Variants in ANKDD1B observed in about 807,000 individuals in gnomAD.
The protein encoded by ANKDD1B is ankyrin repeat and death domain-containing protein 1B.
In ANKDD1B, 57 loss-of-function variants were observed where a neutral mutation model predicts 59.7. The observed-to-expected ratio is 0.95, with a 90% CI of 0.77 to 1.19. The LOEUF is 1.19. Among genes scored for constraint, ANKDD1B ranks in the 50% most tolerant of loss-of-function variants. The pLI is 0.00. For synonymous variants in ANKDD1B, 216 were observed against 239.5 expected (o/e 0.90, Z 0.91); for missense variants, 602 against 641.9 (o/e 0.94, Z 0.67).
chr5:75,616,553 G>C (rs1001428064), intron 1 of ANKDD1B, among the ~76,000 whole-genome samples: 83 of 152,286 alleles, frequency 5.5e-4, no homozygotes, highest in African/African-American at 1.9e-3. Context: ...CTTCAGGGTG[G>C]TCCTCATGAA....
chr5:75,625,061 A>G (rs1468906905), intron 3 of ANKDD1B, among the ~76,000 whole-genome samples: 1 of 152,142 alleles, frequency 6.6e-6, no homozygotes, highest in Non-Finnish European at 1.5e-5. Flanking sequence ...ATCCTTATAT[A>G]TATAGAATTA....
chr5:75,649,750 A>T (rs1454420083), intron 7 of ANKDD1B, among the ~76,000 whole-genome samples: 1 of 152,198 alleles, frequency 6.6e-6, no homozygotes, highest in African/African-American at 2.4e-5. Flanking sequence ...ATGCTATTTT[A>T]TGTCTTGCTG....
chr5:75,611,602 C>T lies in ANKDD1B; in HGVS notation c.-33C>T. On this transcript the variant is annotated 5_prime_UTR_variant, in exon 1 of 14. Transcript: ENST00000601380. The stretch of plus-strand genomic sequence containing the variant: ...TCTGGATCTGGGTCCGAGTCTGGGT[C>T]TGGCCCTGCGCTCAGGGCCCGCGGA... 1.6e-6 allele frequency: 2 copies of T among 1,226,560 alleles called. No individual in the cohort carries two copies. Among genetic ancestry groups the T allele is most frequent in the South Asian group, 4.2e-5 (1 of 24,076 alleles). 76.0% of individuals were successfully genotyped at this position (1,226,560 alleles called of 1,614,324 possible).
At chr5:75,614,435 A>G (rs1006032575) in intron 1 of ANKDD1B, among the ~76,000 whole-genome samples, 2 of 151,606 alleles carry the variant, frequency 1.3e-5, no homozygotes, top group African/African-American at 4.9e-5. Context: ...GCTTTTCACT[A>G]TACAAACATC....
In ANKDD1B at chr5:75,671,100, A is replaced by G; in HGVS notation, c.*60A>G. On this transcript the variant is annotated 3_prime_UTR_variant, in exon 14 of 14. Transcript: ENST00000601380. ...CTCAGCATTCAGTTCTTTTAATGCCATAAATTTCTTCTAGCAGTAGCACTG... is the reference window on the plus strand; with the variant it reads ...CTCAGCATTCAGTTCTTTTAATGCCGTAAATTTCTTCTAGCAGTAGCACTG... The G allele has an allele frequency of 1.2e-6, 1 of 808,252 alleles. No homozygotes were observed. Among genetic ancestry groups the G allele is most frequent in the Non-Finnish European group, 1.7e-6 (1 of 600,962 alleles). 50.1% of individuals were successfully genotyped at this position (808,252 alleles called of 1,614,324 possible).
At chr5:75,624,641 G>GT (rs948516775) in intron 3 of ANKDD1B, among the ~76,000 whole-genome samples, 3 of 152,136 alleles carry the variant, frequency 2.0e-5, no homozygotes, top group African/African-American at 2.4e-5. Flanking sequence ...TATAACTTGT[G>GT]TTTTTTTCAC....
chr5:75,625,373 C>A (rs191007237), intron 3 of ANKDD1B, among the ~76,000 whole-genome samples: 1 of 152,080 alleles, frequency 6.6e-6, no homozygotes, highest in Non-Finnish European at 1.5e-5. Flanking sequence ...GGATTTTATT[C>A]TAATATATTT....
At chr5:75,651,352 C>T (rs1186802654) in intron 7 of ANKDD1B, among the ~76,000 whole-genome samples, 5 of 152,212 alleles carry the variant, frequency 3.3e-5, no homozygotes, top group African/African-American at 1.2e-4. Flanking sequence ...ACAACCAATT[C>T]ATTGACTTTG....
intron 10 of ANKDD1B, among the ~76,000 whole-genome samples, chr5:75,661,748 T>G (rs1005225656): frequency 1.4e-4 from 22 of 152,296 alleles, no homozygotes; most frequent in Non-Finnish European, 5.9e-5. Flanking sequence ...GACTTTGTTT[T>G]CAAAACAAGA....
intron 5 of ANKDD1B, among the ~76,000 whole-genome samples, chr5:75,628,034 T>C (rs1296479299): frequency 6.6e-6 from 1 of 152,160 alleles, no homozygotes; most frequent in African/African-American, 2.4e-5. Context: ...AATGAGCAAA[T>C]AATGAGTCCA....
chr5:75,623,690 T>C (rs982832356), intron 3 of ANKDD1B, among the ~76,000 whole-genome samples: 3 of 152,124 alleles, frequency 2.0e-5, no homozygotes, highest in African/African-American at 4.8e-5. Flanking sequence ...TTCTTTGTCG[T>C]TGGGGCTGCC....
chr5:75,626,016 T>C, intron 5 of ANKDD1B, 61 bp downstream of exon 5: 1 of 1,237,956 alleles, frequency 8.1e-7, no homozygotes, highest in Non-Finnish European at 1.1e-6. Context: ...ACTTTCTTCC[T>C]GCCTCTGGTA....
At chr5:75,624,976 T>C (rs990111116) in intron 3 of ANKDD1B, among the ~76,000 whole-genome samples, 3 of 152,256 alleles carry the variant, frequency 2.0e-5, no homozygotes, top group Admixed American at 6.5e-5. Flanking sequence ...ATAGTCTGAC[T>C]ATTCCATAAC....
chr5:75,668,162 G>A (rs1775362815), intron 12 of ANKDD1B, among the ~76,000 whole-genome samples: 1 of 152,154 alleles, frequency 6.6e-6, no homozygotes, highest in South Asian at 2.1e-4. Flanking sequence ...CAGGATAAGG[G>A]GGATTTTAAA....
intron 7 of ANKDD1B, among the ~76,000 whole-genome samples, chr5:75,648,216 A>G (rs1237761530): frequency 1.6e-5 from 2 of 124,344 alleles, no homozygotes; most frequent in East Asian, 4.6e-4. Flanking sequence ...ACTAACCTGC[A>G]CAATGTGCAC....
intron 12 of ANKDD1B, among the ~76,000 whole-genome samples, chr5:75,667,866 G>A (rs970924410): frequency 6.6e-6 from 1 of 152,152 alleles, no homozygotes; most frequent in Admixed American, 6.5e-5. Context: ...CACAGTCCAT[G>A]AGCACACACT....
chr5:75,635,122 A>G (rs980598588), intron 6 of ANKDD1B, 126 bp downstream of exon 6: 51 of 623,162 alleles, frequency 8.2e-5, no homozygotes, highest in Non-Finnish European at 1.4e-5. Context: ...TTAAATTGCT[A>G]CTGTACTCAG....
At chr5:75,650,199 G>T (rs115387673) in intron 7 of ANKDD1B, among the ~76,000 whole-genome samples, 4,321 of 152,282 alleles carry the variant, frequency 0.028, 92 homozygotes, top group Non-Finnish European at 0.041. Context: ...ATTGCAGATG[G>T]AATTAAGGTT....
intron 10 of ANKDD1B, among the ~76,000 whole-genome samples, 166 bp downstream of exon 10, chr5:75,659,547 A>G (rs1432020942): frequency 1.3e-5 from 2 of 152,210 alleles, no homozygotes; most frequent in Non-Finnish European, 2.9e-5. Context: ...TGGTTGAGCT[A>G]TGTCAGTAAA....
Sources: gnomAD v4.1 joint callset for allele counts (sites outside exome capture counted in the v4.1 genomes callset) on GRCh38, gnomAD v4.1.1 for gene constraint, MANE v1.5 for transcripts, NCBI Gene and HGNC (gene_info 2026-07-23, HGNC 2026-07-21) for gene names.